Variants in FRMD4A observed in about 807,000 individuals in gnomAD.
The protein encoded by FRMD4A is FERM domain containing 4A.
A neutral mutation model predicts 129.1 loss-of-function variants in FRMD4A; 29 were observed. That is an observed-to-expected ratio of 0.22 (90% CI 0.17 to 0.31). The LOEUF (loss-of-function observed/expected upper bound fraction) is 0.31, where lower values mean the gene tolerates loss of function less well. FRMD4A is among the 10% of genes least tolerant of loss of function. FRMD4A has a pLI of 1.00. For missense variants in FRMD4A, 1,272 were observed against 1,375.8 expected (o/e 0.92, Z 1.19); for synonymous variants, 634 against 571.6 (o/e 1.11, Z -1.56).
chr10:14,247,303 A>G (rs1009465522), intron 2 of FRMD4A, among the ~76,000 whole-genome samples: 5 of 152,186 alleles, frequency 3.3e-5, no homozygotes, highest in African/African-American at 9.7e-5. Flanking sequence ...GATGGTCCTC[A>G]CTGTTAAAGC....
At chr10:13,962,063 GAA>G (rs1565120595) in intron 2 of FRMD4A, among the ~76,000 whole-genome samples, 5 of 152,116 alleles carry the variant, frequency 3.3e-5, no homozygotes, top group African/African-American at 1.2e-4. Context: ...ATGAATGAAT[GAA>G]TGAATGAATG....
intron 2 of FRMD4A, among the ~76,000 whole-genome samples, chr10:14,096,173 G>C (rs1256347052): frequency 2.6e-5 from 4 of 152,138 alleles, no homozygotes; most frequent in Non-Finnish European, 5.9e-5. Context: ...GAATCTTCAC[G>C]AATGGGATTA....
chr10:13,884,120 A>ACT (rs766660162), intron 2 of FRMD4A, among the ~76,000 whole-genome samples: 2 of 114,252 alleles, frequency 1.8e-5, no homozygotes, highest in Admixed American at 9.1e-5. Flanking sequence ...ACACACACAC[A>ACT]CTCACACACA....
In FRMD4A at chr10:14,123,243, C is replaced by T. The variant is rs572204297; in HGVS notation, c.45+206815G>A. On this transcript the variant is annotated intron_variant, in intron 2 of 24. Transcript: ENST00000357447. ...CAACATTTCTTGTATATTGAGAGGC[C>T]GCGAGTTTGAGCCACTCCTGTTAGT... Among the ~76,000 whole-genome samples the T allele has an allele frequency of 7.2e-5, 11 of 152,190 alleles. No individual in the cohort carries two copies. In the East Asian group the frequency reaches 1.9e-3, roughly 27 times the overall value.
chr10:13,962,124 T>G lies in FRMD4A; in HGVS notation c.46-103212A>C, dbSNP rs143642555. Reference sequence around the variant, plus strand: ...AGCGGAGGAATTTAGCCACTTGGCTTCCACAGCTGCTACTAGCCATCTTCT... The same window carrying G: ...AGCGGAGGAATTTAGCCACTTGGCTGCCACAGCTGCTACTAGCCATCTTCT... On this transcript the variant is annotated intron_variant, in intron 2 of 24. Coordinates refer to ENST00000357447, the MANE Select transcript of FRMD4A (RefSeq NM_018027.5). Among the ~76,000 whole-genome samples the G allele has an allele frequency of 7.5e-4, 114 of 152,318 alleles. 1 individual carries two copies. Among genetic ancestry groups the G allele is most frequent in the African/African-American group, 2.6e-3 (108 of 41,564 alleles).
Position 13,656,964 on chromosome 10 carries a change from C to T in FRMD4A, c.2625G>A (p.Ala875=), listed in dbSNP as rs202106361. The T allele has an allele frequency of 1.1e-5, 17 of 1,541,066 alleles. No homozygotes were observed. The highest frequency in any genetic ancestry group is 2.6e-5 in the East Asian group (1 of 38,638). Residue 875 remains alanine (A), a synonymous_variant, in exon 22 of 25, where the codon GCG becomes GCA. Transcript: ENST00000357447. ...AQFKTSNSYT[A]GGLFKESWRG... ...GCCAGCTCTCCTTGAACAGGCCGCC[C>T]GCCGTGTAGGAGTTGGACGTCTTGA... is the stretch of plus-strand genomic sequence containing the variant.
intron 2 of FRMD4A, among the ~76,000 whole-genome samples, chr10:14,189,462 TAC>T (rs1321584059): frequency 6.6e-6 from 1 of 152,036 alleles, no homozygotes; most frequent in Non-Finnish European, 1.5e-5. Context: ...TAATCCCAGC[TAC>T]TCGGGAGGCT....
intron 2 of FRMD4A, among the ~76,000 whole-genome samples, chr10:14,191,485 GTC>G (rs903997720): frequency 3.3e-5 from 5 of 152,124 alleles, no homozygotes; most frequent in Non-Finnish European, 7.4e-5. Flanking sequence ...ATGACCCCTG[GTC>G]TCTCTGTCAC....
chr10:14,060,062 T>C (rs1834733663), intron 2 of FRMD4A, among the ~76,000 whole-genome samples: 1 of 152,214 alleles, frequency 6.6e-6, no homozygotes, highest in Non-Finnish European at 1.5e-5. Flanking sequence ...TTAACTACTC[T>C]ATCTCTAAGT....
In FRMD4A at chr10:13,802,180, C is replaced by T. The variant is rs549461201; in HGVS notation, c.207-5592G>A. Among the ~76,000 whole-genome samples the T allele has an allele frequency of 7.2e-5, 11 of 152,256 alleles. 1 individual carries two copies. The South Asian group carries it at 1.5e-3, about 20-fold the overall frequency. ...TTGCTTCCAGGCAATAGAAATTGGA[C>T]GCATTCATTTAAGATATTGCTTTTA... On this transcript the variant is annotated intron_variant, in intron 4 of 24. Coordinates refer to ENST00000357447, the MANE Select transcript of FRMD4A (RefSeq NM_018027.5).
Position 13,973,746 on chromosome 10 carries a change from G to A in FRMD4A, c.46-114834C>T, listed in dbSNP as rs115483829. ...AGGAAGATAAGAAGAAAGGAAGGAA[G>A]GGAAGAAGGAAGGAGGAAGGCAGGG... On this transcript the variant is annotated intron_variant, in intron 2 of 24. Transcript: ENST00000357447. Among the ~76,000 whole-genome samples, 1,476 of 151,072 alleles carry A rather than the reference G, an allele frequency of 9.8e-3. 19 individuals are homozygous for A. Among genetic ancestry groups the A allele is most frequent in the Middle Eastern group, 0.027 (8 of 294 alleles).
intron 3 of FRMD4A, among the ~76,000 whole-genome samples, chr10:13,853,416 T>C (rs1300569544): frequency 2.0e-5 from 3 of 152,106 alleles, no homozygotes. Context: ...GCACATCTGT[T>C]AGCCCCAGCT....
chr10:14,153,362 G>C (rs930446667), intron 2 of FRMD4A, among the ~76,000 whole-genome samples: 1 of 152,130 alleles, frequency 6.6e-6, no homozygotes, highest in African/African-American at 2.4e-5. Flanking sequence ...TACAGGGATG[G>C]TCTACACCAA....
At chr10:13,841,985 G>A (rs144890727) in intron 3 of FRMD4A, among the ~76,000 whole-genome samples, 7 of 152,098 alleles carry the variant, frequency 4.6e-5, no homozygotes, top group Admixed American at 2.0e-4. Flanking sequence ...GAATTGCACC[G>A]CGATATTACA....
At position 13,913,072 on chromosome 10, in the gene FRMD4A, TAA is replaced by T. The variant is rs533215051; in HGVS notation, c.46-54162_46-54161del. Among the ~76,000 whole-genome samples the T allele has an allele frequency of 0.015, 1,880 of 126,492 alleles. 81 individuals are homozygous for T. The East Asian group carries it at 0.18, about 12-fold the overall frequency. 83.0% of individuals were successfully genotyped at this position (126,492 alleles called of 152,430 possible). On this transcript the variant is annotated intron_variant, in intron 2 of 24. Transcript: ENST00000357447. Reference sequence around the variant, plus strand: ...TGGGTAAGAAGAGTAAAACTCCATTTAAAAAAAAAAAAAAAAAGGATATTATT... The same window carrying T: ...TGGGTAAGAAGAGTAAAACTCCATTTAAAAAAAAAAAAAAAGGATATTATT...
chr10:14,154,193 A>C, intron 2 of FRMD4A, among the ~76,000 whole-genome samples: 1 of 152,150 alleles, frequency 6.6e-6, no homozygotes, highest in East Asian at 1.9e-4. Flanking sequence ...GAAAACCCGC[A>C]TCGGCTTTGA....
intron 2 of FRMD4A, among the ~76,000 whole-genome samples, chr10:13,927,571 T>C (rs2095147914): frequency 6.6e-6 from 1 of 152,220 alleles, no homozygotes; most frequent in African/African-American, 2.4e-5. Flanking sequence ...GAGATAATTT[T>C]AAAATAGCCA....
chr10:14,004,033 T>C (rs1314506276), intron 2 of FRMD4A, among the ~76,000 whole-genome samples: 1 of 152,252 alleles, frequency 6.6e-6, no homozygotes, highest in Admixed American at 6.5e-5. Context: ...TACAGAAGGA[T>C]GTGGGCTTGA....
intron 2 of FRMD4A, among the ~76,000 whole-genome samples, chr10:13,967,132 T>G (rs973079806): frequency 6.6e-6 from 1 of 152,198 alleles, no homozygotes; most frequent in Non-Finnish European, 1.5e-5. Context: ...GTCAGGAAAT[T>G]GAGACCATCC....
Sources: gnomAD v4.1 joint callset for allele counts (sites outside exome capture counted in the v4.1 genomes callset) on GRCh38, gnomAD v4.1.1 for gene constraint, MANE v1.5 for transcripts, NCBI Gene and HGNC (gene_info 2026-07-23, HGNC 2026-07-21) for gene names.